CPM: variants seen among roughly 807,000 people sequenced by gnomAD.
CPM encodes carboxypeptidase M, also known as renal carboxypeptidase.
A neutral mutation model predicts 46.4 loss-of-function variants in CPM; 35 were observed. That is an observed-to-expected ratio of 0.75 (90% CI 0.58 to 1.00). The LOEUF (loss-of-function observed/expected upper bound fraction) is 1.00. Ranked by LOEUF, CPM falls within the 50% of genes least tolerant of loss-of-function variation. The pLI, the probability that CPM is intolerant of heterozygous loss-of-function variation, is 0.00. For synonymous variants in CPM, 195 were observed against 195.3 expected, an observed-to-expected ratio of 1.00 and a Z score of 0.01; for missense variants, 422 against 530.4, an observed-to-expected ratio of 0.80 and a Z score of 2.01.
chr12:68,946,487 T>G (rs1888849915), intron 1 of CPM, among the ~76,000 whole-genome samples: 1 of 152,200 alleles, frequency 6.6e-6, no homozygotes, highest in Non-Finnish European at 1.5e-5. Context: ...AATGAATTCC[T>G]CATTTCTAGA....
chr12:68,923,603 T>G (rs959294866), intron 2 of CPM, among the ~76,000 whole-genome samples: 1 of 152,132 alleles, frequency 6.6e-6, no homozygotes, highest in African/African-American at 2.4e-5. Flanking sequence ...ACATACATAA[T>G]TTCAAAAGAT....
intron 5 of CPM, among the ~76,000 whole-genome samples, chr12:68,869,868 A>C (rs1565771593): frequency 7.8e-6 from 1 of 128,276 alleles, no homozygotes; most frequent in Non-Finnish European, 1.6e-5. Flanking sequence ...ATTATTGTTC[A>C]TATATGATTA....
At position 68,853,289 on chromosome 12, in the gene CPM, T is replaced by C. The variant is rs1884809062; in HGVS notation, c.*3148A>G. 1 of 152,208 alleles carries C rather than the reference T, an allele frequency of 6.6e-6. No homozygotes were observed. 9.4% of individuals were successfully genotyped at this position (152,208 alleles called of 1,614,324 possible). A position where few individuals can be genotyped will look rare whatever the true frequency, so the allele number is the denominator to read the frequency against. On this transcript the variant is annotated 3_prime_UTR_variant, in exon 9 of 9. Transcript: ENST00000551568. Reference sequence around the variant, plus strand: ...AAATCAAGTTTCATCTTATATACTTTTAATTTGTAATATACCAAAGTCATT... The same window carrying C: ...AAATCAAGTTTCATCTTATATACTTCTAATTTGTAATATACCAAAGTCATT...
At chr12:68,902,933 C>T (rs60621463) in intron 2 of CPM, among the ~76,000 whole-genome samples, 15,133 of 152,142 alleles carry the variant, frequency 0.099, 825 homozygotes, top group East Asian at 0.17. Flanking sequence ...TGTCCCTCTC[C>T]CCACTCTACA....
intron 2 of CPM, among the ~76,000 whole-genome samples, chr12:68,892,339 G>A (rs987494449): frequency 2.2e-4 from 34 of 152,198 alleles, no homozygotes; most frequent in African/African-American, 7.5e-4. Context: ...AGGGAGTCGA[G>A]GGGCACAATG....
Position 68,856,362 on chromosome 12 carries a change from G to C in CPM, c.*75C>G. 6.6e-7 allele frequency: 1 copy of C among 1,513,642 alleles called. No individual in the cohort carries two copies. The highest frequency in any genetic ancestry group is 1.9e-5 in the Admixed American group (1 of 52,164). 93.8% of individuals were successfully genotyped at this position (1,513,642 alleles called of 1,614,324 possible). Reference sequence around the variant, plus strand: ...TCCAGTCAAGGTCCCACTAGAGTGAGTTAGGGTTGCAGTAACCTGGAGTGA... The same window carrying C: ...TCCAGTCAAGGTCCCACTAGAGTGACTTAGGGTTGCAGTAACCTGGAGTGA... On this transcript the variant is annotated 3_prime_UTR_variant, in exon 9 of 9. Transcript: ENST00000551568.
At chr12:68,870,987 AAAACTT>A (rs536824299) in intron 4 of CPM, among the ~76,000 whole-genome samples, 91 of 152,386 alleles carry the variant, frequency 6.0e-4, no homozygotes, top group Admixed American at 2.7e-3. Flanking sequence ...ATATATTTGA[AAAACTT>A]AAAATTGGAG....
intron 2 of CPM, among the ~76,000 whole-genome samples, chr12:68,909,409 A>T (rs1320304537): frequency 6.6e-6 from 1 of 152,150 alleles, no homozygotes; most frequent in Non-Finnish European, 1.5e-5. Flanking sequence ...GAAAAAAATT[A>T]GTGTTGGTTA....
At chr12:68,940,770 T>C (rs893129410) in intron 1 of CPM, among the ~76,000 whole-genome samples, 1 of 151,958 alleles carries the variant, frequency 6.6e-6, no homozygotes, top group Admixed American at 6.6e-5. Flanking sequence ...GGGTTGCAAA[T>C]TTTTCTTTAT....
chr12:68,895,366 T>C (rs1239791893), intron 2 of CPM, among the ~76,000 whole-genome samples: 1 of 152,138 alleles, frequency 6.6e-6, no homozygotes, highest in Non-Finnish European at 1.5e-5. Context: ...AATGATTGGA[T>C]AGAGGGTGCT....
At chr12:68,866,324 ATGTT>A (rs145703211) in intron 7 of CPM, among the ~76,000 whole-genome samples, 6,302 of 151,766 alleles carry the variant, frequency 0.042, 166 homozygotes, top group Non-Finnish European at 0.061. Flanking sequence ...GGGACTCTGG[ATGTT>A]TGTTTGTTTG....
Position 68,868,952 on chromosome 12 carries a change from A to G in CPM, c.787+373T>C, listed in dbSNP as rs533740225. Among the ~76,000 whole-genome samples the G allele has an allele frequency of 2.0e-5, 3 of 152,294 alleles. No homozygotes were observed. The East Asian group carries it at 5.8e-4, about 29-fold the overall frequency. Reference sequence around the variant, plus strand: ...TTGGCTCTGTGCACCCTTGGGGTACACTGCACCTTCTCTAAATCTGTTTTT... The same window carrying G: ...TTGGCTCTGTGCACCCTTGGGGTACGCTGCACCTTCTCTAAATCTGTTTTT... On this transcript the variant is annotated intron_variant, in intron 6 of 8. Transcript: ENST00000551568.
intron 1 of CPM, among the ~76,000 whole-genome samples, chr12:68,946,158 C>G (rs1466492045): frequency 6.6e-6 from 1 of 152,096 alleles, no homozygotes; most frequent in Admixed American, 6.6e-5. Flanking sequence ...CTGTGCCCAG[C>G]CAAGGCTAGA....
intron 2 of CPM, among the ~76,000 whole-genome samples, chr12:68,927,728 GACAA>G (rs1424205005): frequency 1.3e-5 from 2 of 152,130 alleles, no homozygotes; most frequent in African/African-American, 2.4e-5. Flanking sequence ...ACCAGTAACA[GACAA>G]ACAGAGAGCC....
intron 2 of CPM, among the ~76,000 whole-genome samples, chr12:68,899,294 T>C (rs1174664272): frequency 6.6e-6 from 1 of 152,180 alleles, no homozygotes; most frequent in African/African-American, 2.4e-5. Context: ...AAGGACTGAA[T>C]CTCATTCAGA....
intron 1 of CPM, among the ~76,000 whole-genome samples, chr12:68,938,866 ATATAT>A (rs1373956335): frequency 2.3e-4 from 35 of 149,686 alleles, no homozygotes; most frequent in African/African-American, 7.6e-4. Flanking sequence ...GTGTATATAC[ATATAT>A]TATGTATATC....
At chr12:68,943,446 T>C (rs915743681) in intron 1 of CPM, among the ~76,000 whole-genome samples, 9 of 152,210 alleles carry the variant, frequency 5.9e-5, no homozygotes, top group African/African-American at 1.9e-4. Context: ...ATACAACAGA[T>C]AGTATATGTT....
chr12:68,927,926 G>A (rs1341732295), intron 2 of CPM, among the ~76,000 whole-genome samples: 8 of 152,150 alleles, frequency 5.3e-5, no homozygotes, highest in Non-Finnish European at 8.8e-5. Context: ...AATCAATATC[G>A]TGAAAATGGC....
upstream of CPM, among the ~76,000 whole-genome samples, chr12:68,935,491 A>G (rs1028934719): frequency 9.2e-5 from 14 of 151,978 alleles, no homozygotes; most frequent in African/African-American, 3.4e-4. Context: ...AGGTTTCACC[A>G]TGTTGGCCAG....
Sources: gnomAD v4.1 joint callset for allele counts (sites outside exome capture counted in the v4.1 genomes callset) on GRCh38, gnomAD v4.1.1 for gene constraint, MANE v1.5 for transcripts, NCBI Gene and HGNC (gene_info 2026-07-23, HGNC 2026-07-21) for gene names.